DPP10: variants seen among roughly 807,000 people sequenced by gnomAD.
DPP10 encodes inactive dipeptidyl peptidase 10.
A neutral mutation model predicts 120.9 loss-of-function variants in DPP10; 33 were observed. The ratio of observed to expected loss-of-function variants is 0.27; its 90% CI spans 0.21 to 0.37. The LOEUF is 0.37. Among genes scored for constraint, DPP10 ranks in the 10% least tolerant of loss-of-function variants. The probability of loss-of-function intolerance (pLI) is 1.00; values close to 1 mark genes in which losing one functional copy is unlikely to be tolerated. For synonymous variants in DPP10, 337 were observed against 326.1 expected, an observed-to-expected ratio of 1.03 and a Z score of -0.36; for missense variants, 816 against 942.8, an observed-to-expected ratio of 0.87 and a Z score of 1.76.
intron 1 of DPP10, among the ~76,000 whole-genome samples, chr2:115,082,462 C>A (rs1472761491): frequency 6.6e-6 from 1 of 152,172 alleles, no homozygotes; most frequent in African/African-American, 2.4e-5. Context: ...ACATTGTAGA[C>A]TGCAAAAATG....
intron 1 of DPP10, among the ~76,000 whole-genome samples, chr2:114,718,208 A>G (rs77020954): frequency 0.033 from 5,015 of 152,062 alleles, 126 homozygotes; most frequent in Middle Eastern, 0.068. Flanking sequence ...TGTGTAATAT[A>G]TATCTCCAGT....
At chr2:115,352,743 G>C (rs552142209) in intron 3 of DPP10, among the ~76,000 whole-genome samples, 1 of 152,050 alleles carries the variant, frequency 6.6e-6, no homozygotes, top group African/African-American at 2.4e-5. Flanking sequence ...TAATCAAAAG[G>C]CTGTGAATGG....
intron 1 of DPP10, among the ~76,000 whole-genome samples, chr2:114,829,133 AC>A (rs1686838135): frequency 6.6e-6 from 1 of 151,848 alleles, no homozygotes; most frequent in Admixed American, 6.6e-5. Context: ...CTAAAAAACT[AC>A]AAAAATTAGC....
At chr2:114,832,147 CTT>C (rs1477525297) in intron 1 of DPP10, among the ~76,000 whole-genome samples, 1 of 152,076 alleles carries the variant, frequency 6.6e-6, no homozygotes, top group African/African-American at 2.4e-5. Context: ...CTTGAAATAA[CTT>C]TTTATTTCAA....
In DPP10 at chr2:115,104,985, G is replaced by A. The variant is rs537766724; in HGVS notation, c.61-204254G>A. Among the ~76,000 whole-genome samples the A allele has an allele frequency of 2.9e-4, 44 of 150,450 alleles. 1 individual carries two copies. The highest frequency in any genetic ancestry group is 3.5e-3 in the Middle Eastern group (1 of 286). On this transcript the variant is annotated intron_variant, in intron 1 of 25. Transcript: ENST00000410059. ...GGTGCCACTGGACTCCAGCCTGGGCGACAGAACAAGACTCCGTCTCAAAAA... is the reference window on the plus strand; with the variant it reads ...GGTGCCACTGGACTCCAGCCTGGGCAACAGAACAAGACTCCGTCTCAAAAA...
intron 5 of DPP10, among the ~76,000 whole-genome samples, chr2:115,675,488 G>A (rs756831171): frequency 2.6e-5 from 4 of 152,118 alleles, no homozygotes; most frequent in Non-Finnish European, 5.9e-5. Flanking sequence ...ATGAAATTCA[G>A]CAAGGAAGTG....
Position 114,542,347 on chromosome 2 carries a change from C to T in DPP10, c.60+99509C>T, listed in dbSNP as rs73946197. ...ACAGGCATGAGCCACCGTGCCTGGC[C>T]GAATATCTTTATCTACTAACACCTA... On this transcript the variant is annotated intron_variant, in intron 1 of 25. Transcript: ENST00000410059. 4.4e-3 allele frequency among the ~76,000 whole-genome samples: 662 copies of T among 152,042 alleles called. 4 individuals carry two copies. Among genetic ancestry groups the T allele is most frequent in the African/African-American group, 0.015 (640 of 41,468 alleles).
intron 1 of DPP10, among the ~76,000 whole-genome samples, chr2:114,724,321 A>C (rs916527179): frequency 6.6e-6 from 1 of 152,254 alleles, no homozygotes; most frequent in African/African-American, 2.4e-5. Flanking sequence ...AATAACGTAT[A>C]ATCAATCACT....
intron 19 of DPP10, among the ~76,000 whole-genome samples, chr2:115,805,152 C>G (rs1186068219): frequency 6.6e-6 from 1 of 152,160 alleles, no homozygotes; most frequent in Non-Finnish European, 1.5e-5. Context: ...CCCCCAGCCT[C>G]ACTGCCACCT....
chr2:115,784,156 A>C (rs1043723325), intron 17 of DPP10, among the ~76,000 whole-genome samples: 1 of 152,214 alleles, frequency 6.6e-6, no homozygotes, highest in Non-Finnish European at 1.5e-5. Context: ...ACAAAAACAA[A>C]AAAAGGCTGT....
At chr2:115,222,761 T>C (rs1470506490) in intron 1 of DPP10, among the ~76,000 whole-genome samples, 2 of 152,134 alleles carry the variant, frequency 1.3e-5, no homozygotes, top group Non-Finnish European at 2.9e-5. Context: ...GGTCATAAAA[T>C]TTAATTAATT....
Position 115,768,421 on chromosome 2 carries a change from T to A in DPP10, c.1221+17T>A. 6.2e-7 allele frequency: 1 copy of A among 1,606,408 alleles called. No individual in the cohort carries two copies. On this transcript the variant is annotated intron_variant, in intron 13 of 25. Transcript: ENST00000410059. ...CTCATCCAGGTAAGTGCTGGCTTTT[T>A]TCCATGTTTTGATTTCATTGTCCTC...
chr2:115,738,463 G>T (rs1575640595), intron 8 of DPP10, among the ~76,000 whole-genome samples: 1 of 152,210 alleles, frequency 6.6e-6, no homozygotes, highest in East Asian at 1.9e-4. Context: ...TATAACTAGA[G>T]ATGCTGTGTG....
chr2:115,240,019 T>C (rs2058197140), intron 1 of DPP10, among the ~76,000 whole-genome samples: 1 of 152,216 alleles, frequency 6.6e-6, no homozygotes, highest in African/African-American at 2.4e-5. Context: ...ACATTAGAGT[T>C]GGTTCCAAGT....
intron 1 of DPP10, among the ~76,000 whole-genome samples, chr2:114,903,964 A>G (rs957567432): frequency 6.6e-6 from 1 of 152,218 alleles, no homozygotes; most frequent in Non-Finnish European, 1.5e-5. Context: ...GTGTTGTTTA[A>G]GCTACCCAGT....
intron 1 of DPP10, among the ~76,000 whole-genome samples, chr2:115,167,604 C>CAAAAAA (rs59031977): frequency 2.1e-5 from 1 of 48,554 alleles, no homozygotes; most frequent in South Asian, 8.0e-4. Context: ...GAGACCGTCT[C>CAAAAAA]AAAAAAAAAA....
intron 1 of DPP10, among the ~76,000 whole-genome samples, chr2:115,086,836 C>A (rs1294501161): frequency 3.0e-5 from 2 of 66,270 alleles, no homozygotes; most frequent in Non-Finnish European, 4.3e-5. Context: ...ACCCCAATAA[C>A]CTTGGGCACA....
chr2:115,041,097 C>G (rs1216448575), intron 1 of DPP10, among the ~76,000 whole-genome samples: 1 of 136,270 alleles, frequency 7.3e-6, no homozygotes. Flanking sequence ...CCAGCCTGGG[C>G]GACAGAGCCT....
At chr2:115,283,678 T>A (rs527353899) in intron 1 of DPP10, among the ~76,000 whole-genome samples, 14 of 152,180 alleles carry the variant, frequency 9.2e-5, no homozygotes, top group African/African-American at 3.1e-4. Context: ...TATTTTCCAA[T>A]CATTCTGGCA....
Sources: gnomAD v4.1 joint callset for allele counts (sites outside exome capture counted in the v4.1 genomes callset) on GRCh38, gnomAD v4.1.1 for gene constraint, MANE v1.5 for transcripts, NCBI Gene and HGNC (gene_info 2026-07-23, HGNC 2026-07-21) for gene names.